Variants in SEC11A observed in about 807,000 individuals in gnomAD.
SEC11A encodes signal peptidase complex catalytic subunit SEC11A.
Under a neutral mutation model 25.6 loss-of-function variants are expected in SEC11A, and 14 were observed. The ratio of observed to expected loss-of-function variants is 0.55; its 90% CI spans 0.36 to 0.85. SEC11A has a LOEUF of 0.85. SEC11A is among the 40% of genes least tolerant of loss of function. The pLI is 0.01. For missense variants in SEC11A, 153 were observed against 222.9 expected, an observed-to-expected ratio of 0.69 and a Z score of 2.00; for synonymous variants, 83 against 76.4, an observed-to-expected ratio of 1.09 and a Z score of -0.45.
At chr15:84,698,369 T>G (rs1897826793) in intron 1 of SEC11A, among the ~76,000 whole-genome samples, 2 of 152,202 alleles carry the variant, frequency 1.3e-5, no homozygotes. Context: ...TAAATTCCAT[T>G]TATCTTAAGA....
At chr15:84,708,745 A>G (rs1038783540) in intron 1 of SEC11A, among the ~76,000 whole-genome samples, 3 of 152,102 alleles carry the variant, frequency 2.0e-5, no homozygotes, top group Non-Finnish European at 2.9e-5. Context: ...CTGTAATCGC[A>G]TCACTGGACT....
intron 1 of SEC11A, among the ~76,000 whole-genome samples, chr15:84,696,994 G>C (rs1328357245): frequency 6.7e-6 from 1 of 150,302 alleles, no homozygotes; most frequent in Middle Eastern, 3.2e-3. Context: ...TTCAGCCTGG[G>C]CAACATAGTG....
rs1896928464 is a variant in SEC11A, at chr15:84,669,649, G to A, written c.*370C>T. On this transcript the variant is annotated 3_prime_UTR_variant, in exon 6 of 6. Transcript: ENST00000268220. ...GGAGGTATGACGGTTTCAAACTCGT[G>A]CAGAGCTGCATTTTCATTTACAAGT... The A allele has an allele frequency of 8.6e-6, 2 of 232,402 alleles. No homozygotes were observed. The highest frequency in any genetic ancestry group is 2.3e-5 in the African/African-American group (1 of 44,186). 14.4% of individuals were successfully genotyped at this position (232,402 alleles called of 1,614,324 possible).
chr15:84,711,899 C>T (rs1898282438), intron 1 of SEC11A, among the ~76,000 whole-genome samples: 1 of 151,684 alleles, frequency 6.6e-6, no homozygotes. Flanking sequence ...TAGGGTGGTA[C>T]CCAGAGACTA....
At chr15:84,699,455 G>C (rs539062126) in intron 1 of SEC11A, among the ~76,000 whole-genome samples, 1 of 152,062 alleles carries the variant, frequency 6.6e-6, no homozygotes, top group Non-Finnish European at 1.5e-5. Flanking sequence ...AAGGGTTTTC[G>C]GACATTGGCT....
At chr15:84,702,830 C>T (rs1897988829) in intron 1 of SEC11A, among the ~76,000 whole-genome samples, 1 of 152,106 alleles carries the variant, frequency 6.6e-6, no homozygotes, top group African/African-American at 2.4e-5. Context: ...TTAAGGAAAA[C>T]AATTCTAACA....
chr15:84,678,682 TTA>T (rs1160639834), intron 4 of SEC11A, among the ~76,000 whole-genome samples: 17 of 152,220 alleles, frequency 1.1e-4, no homozygotes, highest in African/African-American at 3.9e-4. Context: ...AAAATGCGTT[TTA>T]TGTTTGTATA....
chr15:84,708,268 A>C (rs1282721439), intron 1 of SEC11A, among the ~76,000 whole-genome samples: 2 of 151,732 alleles, frequency 1.3e-5, no homozygotes, highest in Admixed American at 6.6e-5. Flanking sequence ...GTTTACAATA[A>C]AATTTTACTT....
intron 4 of SEC11A, among the ~76,000 whole-genome samples, chr15:84,678,608 C>A (rs1004456764): frequency 6.6e-6 from 1 of 152,012 alleles, no homozygotes; most frequent in Non-Finnish European, 1.5e-5. Flanking sequence ...TTTGTAAATA[C>A]GCTAGTAATT....
chr15:84,675,333 T>A (rs951865678), intron 4 of SEC11A, among the ~76,000 whole-genome samples: 1 of 152,242 alleles, frequency 6.6e-6, no homozygotes, highest in Admixed American at 6.5e-5. Context: ...AAGAAAGCAC[T>A]GTCTCCTGAT....
chr15:84,708,495 A>G (rs1798610300), intron 1 of SEC11A, among the ~76,000 whole-genome samples: 1 of 152,090 alleles, frequency 6.6e-6, no homozygotes, highest in African/African-American at 2.4e-5. Context: ...TTAGGTCTAT[A>G]TCTAAGAAAA....
At chr15:84,689,098 GAT>G (rs1215966289) in intron 2 of SEC11A, among the ~76,000 whole-genome samples, 8 of 151,858 alleles carry the variant, frequency 5.3e-5, no homozygotes, top group Admixed American at 3.9e-4. Context: ...GGCCAGGCAC[GAT>G]GGTTCAAGCC....
intron 1 of SEC11A, among the ~76,000 whole-genome samples, chr15:84,697,911 T>C (rs1041498119): frequency 6.6e-6 from 1 of 152,042 alleles, no homozygotes; most frequent in Non-Finnish European, 1.5e-5. Context: ...ACAATATTTC[T>C]TCAATGCTCA....
At chr15:84,706,073 A>AT (rs1898086159) in intron 1 of SEC11A, among the ~76,000 whole-genome samples, 1 of 151,354 alleles carries the variant, frequency 6.6e-6, no homozygotes, top group Non-Finnish European at 1.5e-5. Flanking sequence ...ATGTCCAAAA[A>AT]TTTTTTTATT....
At chr15:84,689,127 G>A (rs1309395704) in intron 2 of SEC11A, among the ~76,000 whole-genome samples, 1 of 151,974 alleles carries the variant, frequency 6.6e-6, no homozygotes, top group Non-Finnish European at 1.5e-5. Context: ...CCCAGCACTT[G>A]GGAGGTTGAG....
chr15:84,682,940 T>C (rs1897317193), intron 3 of SEC11A, among the ~76,000 whole-genome samples: 1 of 152,144 alleles, frequency 6.6e-6, no homozygotes, highest in Non-Finnish European at 1.5e-5. Flanking sequence ...TTCAGGTTTC[T>C]ATGGGCTAAT....
intron 1 of SEC11A, among the ~76,000 whole-genome samples, chr15:84,703,031 T>C (rs926307808): frequency 3.3e-5 from 5 of 152,142 alleles, no homozygotes; most frequent in African/African-American, 9.7e-5. Context: ...TGATGACTGG[T>C]GTGTCTGTAA....
At chr15:84,684,722 C>T (rs1367130235) in intron 3 of SEC11A, among the ~76,000 whole-genome samples, 3 of 151,948 alleles carry the variant, frequency 2.0e-5, no homozygotes, top group Admixed American at 1.3e-4. Context: ...ATTTGAGGTC[C>T]GGAGTTCAAG....
At chr15:84,710,861 CAGG>C (rs1309049165) in intron 1 of SEC11A, among the ~76,000 whole-genome samples, 1 of 151,264 alleles carries the variant, frequency 6.6e-6, no homozygotes, top group Non-Finnish European at 1.5e-5. Context: ...ATCACGAGGT[CAGG>C]AGATCAAGAC....
Sources: gnomAD v4.1 joint callset for allele counts (sites outside exome capture counted in the v4.1 genomes callset) on GRCh38, gnomAD v4.1.1 for gene constraint, MANE v1.5 for transcripts, NCBI Gene and HGNC (gene_info 2026-07-23, HGNC 2026-07-21) for gene names.